Variants in ATF7 observed in about 807,000 individuals in gnomAD.
ATF7 encodes activating transcription factor 7, also known as cyclic AMP-dependent transcription factor ATF-7.
A neutral mutation model predicts 50.4 loss-of-function variants in ATF7; 10 were observed. The observed-to-expected ratio is 0.20, with a 90% CI of 0.12 to 0.34. The LOEUF is 0.34. Among genes scored for constraint, ATF7 ranks in the 10% least tolerant of loss-of-function variants. ATF7 has a pLI of 1.00. For synonymous variants in ATF7, 201 were observed against 226.4 expected, an observed-to-expected ratio of 0.89 and a Z score of 1.01; for missense variants, 465 against 613.9, an observed-to-expected ratio of 0.76 and a Z score of 2.56.
intron 2 of ATF7, among the ~76,000 whole-genome samples, chr12:53,583,494 T>C (rs1232268987): frequency 2.0e-5 from 3 of 152,080 alleles, no homozygotes; most frequent in African/African-American, 7.2e-5. Flanking sequence ...TATATTATAA[T>C]TTAATAATAC....
At chr12:53,568,797 T>C (rs1941592481) in intron 2 of ATF7, among the ~76,000 whole-genome samples, 1 of 152,214 alleles carries the variant, frequency 6.6e-6, no homozygotes, top group Non-Finnish European at 1.5e-5. Flanking sequence ...CCATAAGTGA[T>C]ATTTTTTAGA....
chr12:53,527,626 A>C (rs1191001945), intron 9 of ATF7, among the ~76,000 whole-genome samples: 1 of 152,084 alleles, frequency 6.6e-6, no homozygotes, highest in African/African-American at 2.4e-5. Context: ...TCTACTAAAA[A>C]TATAAAAATC....
chr12:53,524,945 T>C lies in ATF7; in HGVS notation c.928-184A>G. 1 of 572,520 alleles carries C rather than the reference T, an allele frequency of 1.7e-6. No homozygotes were observed. Among genetic ancestry groups the C allele is most frequent in the Admixed American group, 3.6e-5 (1 of 28,122 alleles). The allele number at this position is 572,520 out of a possible 1,614,324, so 35.5% of individuals were successfully genotyped here. On this transcript the variant is annotated intron_variant, in intron 9 of 11. Coordinates refer to ENST00000420353, the MANE Select transcript of ATF7 (RefSeq NM_006856.3). The surrounding 1 kb of genome is among the most constrained non-coding windows in gnomAD (Gnocchi z 4.6). ...TAGGAGTCCTCAATTTTGCCTCCTA[T>C]TTCCTTCCAGTCTTCTCAGTCTCAT...
At chr12:53,559,678 C>CAAAAAA (rs34508161) in intron 2 of ATF7, among the ~76,000 whole-genome samples, 2 of 85,162 alleles carry the variant, frequency 2.3e-5, no homozygotes, top group African/African-American at 4.7e-5. Context: ...GACTCCATCT[C>CAAAAAA]AAAAAAAAAA....
chr12:53,605,013 C>T (rs1487069194), intron 1 of ATF7, among the ~76,000 whole-genome samples: 2 of 152,032 alleles, frequency 1.3e-5, no homozygotes, highest in Non-Finnish European at 1.5e-5. Context: ...ATCATTTAGA[C>T]GCTATGTATA....
In ATF7 at chr12:53,571,629, C is replaced by T. The variant is rs555810953; in HGVS notation, c.49-18992G>A. Among the ~76,000 whole-genome samples, 80 of 149,776 alleles carry T rather than the reference C, an allele frequency of 5.3e-4. 2 individuals are homozygous for T. Among genetic ancestry groups the T allele is most frequent in the African/African-American group, 1.9e-3 (77 of 40,580 alleles). On this transcript the variant is annotated intron_variant, in intron 2 of 11. Coordinates refer to ENST00000420353, the MANE Select transcript of ATF7 (RefSeq NM_006856.3). ...CCAGCCTGGGCAACACAGTGAGACT[C>T]CATCTCTTTAAAAAAAAAAAAAAAG...
At chr12:53,552,302 C>T (rs769112806) in intron 3 of ATF7, among the ~76,000 whole-genome samples, 18 of 152,152 alleles carry the variant, frequency 1.2e-4, no homozygotes, top group Non-Finnish European at 1.9e-4. Context: ...AAAACTAAGA[C>T]GAAACCTCAA....
In ATF7 at chr12:53,587,843, A is replaced by ATATATAT; in HGVS notation, c.48+13109_48+13110insATATATA. ...TACATATATATATATATATATATAT[A>ATATATAT]TTTTTTTTTTTTTTTCTTTTTGACA... On this transcript the variant is annotated intron_variant, in intron 2 of 11. Coordinates refer to ENST00000420353, the MANE Select transcript of ATF7 (RefSeq NM_006856.3). 1.7e-3 allele frequency among the ~76,000 whole-genome samples: 106 copies of ATATATAT among 61,562 alleles called. 1 individual carries two copies. Among genetic ancestry groups the ATATATAT allele is most frequent in the South Asian group, 3.0e-3 (4 of 1,348 alleles). The allele number at this position is 61,562 out of a possible 152,430, so 40.4% of individuals were successfully genotyped here. A position where few individuals can be genotyped will look rare whatever the true frequency, so the allele number is the denominator to read the frequency against.
chr12:53,609,079 A>C (rs1010892278), intron 1 of ATF7, among the ~76,000 whole-genome samples: 4 of 152,046 alleles, frequency 2.6e-5, no homozygotes, highest in Non-Finnish European at 5.9e-5. Flanking sequence ...CTGAGGTCAG[A>C]GGACAGCTTG....
chr12:53,528,193 A>G (rs764461746), intron 9 of ATF7, among the ~76,000 whole-genome samples: 2 of 152,182 alleles, frequency 1.3e-5, no homozygotes, highest in Non-Finnish European at 2.9e-5. Context: ...AAAATAAAAA[A>G]ATGGAGAAGA....
chr12:53,596,182 C>G (rs1309414761), intron 2 of ATF7, among the ~76,000 whole-genome samples: 2 of 152,128 alleles, frequency 1.3e-5, no homozygotes, highest in African/African-American at 4.8e-5. Context: ...CGCCTGTAAT[C>G]CCAGCTACTT....
chr12:53,606,977 G>T (rs2137856405), intron 1 of ATF7, among the ~76,000 whole-genome samples: 1 of 152,102 alleles, frequency 6.6e-6, no homozygotes, highest in South Asian at 2.1e-4. Flanking sequence ...GGACATTTAG[G>T]TTGGTTCCAA....
intron 2 of ATF7, among the ~76,000 whole-genome samples, chr12:53,600,001 GA>G (rs1391264781): frequency 6.6e-6 from 1 of 152,068 alleles, no homozygotes; most frequent in Non-Finnish European, 1.5e-5. Context: ...AGCATATGAT[GA>G]AAAATGACAT....
chr12:53,524,338 G>C lies in ATF7; in HGVS notation c.1125+226C>G, dbSNP rs726731. ...TAATCTAATTCCTTCATCCAAATGC[G>C]TTTAAGGATGACTCTAATAGGAGAT... On this transcript the variant is annotated intron_variant, in intron 10 of 11. Coordinates refer to ENST00000420353, the MANE Select transcript of ATF7 (RefSeq NM_006856.3). The surrounding 1 kb of genome is among the most constrained non-coding windows in gnomAD (Gnocchi z 4.6). Among the ~76,000 whole-genome samples, 1 of 152,096 alleles carries C rather than the reference G, an allele frequency of 6.6e-6. No homozygotes were observed. The highest frequency in any genetic ancestry group is 1.5e-5 in the Non-Finnish European group (1 of 68,026).
At chr12:53,592,709 T>C (rs541634424) in intron 2 of ATF7, among the ~76,000 whole-genome samples, 3 of 152,298 alleles carry the variant, frequency 2.0e-5, no homozygotes, top group East Asian at 1.9e-4. Flanking sequence ...ATGAGTTCTA[T>C]TGTGATTTTA....
intron 2 of ATF7, among the ~76,000 whole-genome samples, chr12:53,554,095 C>CA (rs937458702): frequency 7.2e-4 from 110 of 151,914 alleles, no homozygotes; most frequent in African/African-American, 2.6e-3. Flanking sequence ...GGTAATCTGG[C>CA]AAAAACCCAT....
chr12:53,582,277 C>T (rs368368485), intron 2 of ATF7, among the ~76,000 whole-genome samples: 3 of 149,664 alleles, frequency 2.0e-5, no homozygotes, highest in Admixed American at 6.7e-5. Context: ...TGCAGTGAGC[C>T]GAGATCATGC....
At chr12:53,574,742 A>C (rs1020547057) in intron 2 of ATF7, 1 of 172,018 alleles carries the variant, frequency 5.8e-6, no homozygotes. Flanking sequence ...TTGTCTCCTA[A>C]GACAATAAGT....
intron 1 of ATF7, among the ~76,000 whole-genome samples, chr12:53,617,234 G>A (rs1340757258): frequency 1.3e-5 from 2 of 152,088 alleles, no homozygotes; most frequent in African/African-American, 4.8e-5. Context: ...TGTTGCCCAG[G>A]CTGGTCTCGA....
Sources: allele counts gnomAD v4.1 joint callset (sites outside exome capture counted in the v4.1 genomes callset), GRCh38; gene constraint gnomAD v4.1.1; non-coding constraint Gnocchi (gnomAD v3.1); transcripts MANE v1.5; gene names NCBI Gene and HGNC (gene_info 2026-07-23, HGNC 2026-07-21).